MAST3: variants seen among roughly 807,000 people sequenced by gnomAD.
MAST3 encodes microtubule-associated serine/threonine-protein kinase 3.
MAST3 carries 43 observed loss-of-function variants against 127.0 expected under a neutral mutation model. That is an observed-to-expected ratio of 0.34 (90% confidence interval 0.27 to 0.44). The LOEUF is 0.44. Ranked by LOEUF, MAST3 falls within the 20% of genes least tolerant of loss-of-function variation. The pLI is 1.00. For missense variants in MAST3, 1,390 were observed against 1,919.1 expected, an observed-to-expected ratio of 0.72 and a Z score of 5.15; for synonymous variants, 785 against 809.2, an observed-to-expected ratio of 0.97 and a Z score of 0.51.
intron 18 of MAST3, among the ~76,000 whole-genome samples, chr19:18,136,519 G>A (rs1024621079): frequency 6.6e-5 from 10 of 152,138 alleles, no homozygotes; most frequent in African/African-American, 2.4e-4. Context: ...AGGCTCAAGC[G>A]ATCCTCCCAC....
Position 18,145,995 on chromosome 19 carries a change from C to T in MAST3, c.3162+130C>T, listed in dbSNP as rs1262722975. On this transcript the variant is annotated intron_variant, in intron 25 of 27. Transcript: ENST00000687212. The surrounding 1 kb of genome is among the most constrained non-coding windows in gnomAD (Gnocchi z 5.9). ...ATGTCAACTCCAGGCCTGGCACATC[C>T]ACTTCCTTCGGCCCAGAATACATGT... The T allele has an allele frequency of 2.6e-6, 3 of 1,162,174 alleles. No homozygotes were observed. The highest frequency in any genetic ancestry group is 3.5e-6 in the Non-Finnish European group (3 of 859,936). The allele number at this position is 1,162,174 out of a possible 1,614,324, so 72.0% of individuals were successfully genotyped here.
At chr19:18,102,272 C>T (rs903549580) in intron 1 of MAST3, among the ~76,000 whole-genome samples, 17 of 152,022 alleles carry the variant, frequency 1.1e-4, no homozygotes, top group Admixed American at 2.6e-4. Flanking sequence ...CCTCTGCCCC[C>T]GAGTTCAAGC....
intron 18 of MAST3, 63 bp from the exon 19 acceptor site, chr19:18,137,176 T>G: frequency 5.7e-6 from 9 of 1,583,174 alleles, no homozygotes; most frequent in Non-Finnish European, 7.7e-6. Flanking sequence ...GCAGTGGGGG[T>G]AGGGGGGCAT....
At chr19:18,109,773 T>C (rs1009830370) in intron 2 of MAST3, among the ~76,000 whole-genome samples, 4 of 152,018 alleles carry the variant, frequency 2.6e-5, no homozygotes, top group African/African-American at 9.7e-5. Flanking sequence ...GCCTCTAGTG[T>C]GCGCGGGGAT....
chr19:18,103,646 A>G lies in MAST3; in HGVS notation c.40-3941A>G, dbSNP rs1307748887. 2.0e-5 allele frequency among the ~76,000 whole-genome samples: 3 copies of G among 152,234 alleles called. No individual in the cohort carries two copies. The East Asian group carries it at 5.8e-4, about 29-fold the overall frequency. On this transcript the variant is annotated intron_variant, in intron 1 of 27. Transcript: ENST00000687212. The stretch of plus-strand genomic sequence containing the variant: ...TCATTGTCTTGACTCCCATCCATCC[A>G]AGTCTCCCCCAGCACCAGGCTCTGA...
At chr19:18,109,225 C>CGGG (rs1555792904) in intron 2 of MAST3, among the ~76,000 whole-genome samples, 1 of 151,584 alleles carries the variant, frequency 6.6e-6, no homozygotes, top group African/African-American at 2.4e-5. Context: ...GGTGGCAGGA[C>CGGG]AGAAGGAGGA....
intron 5 of MAST3, among the ~76,000 whole-genome samples, 194 bp from the exon 6 acceptor site, chr19:18,122,479 G>GT (rs1016673663): frequency 3.3e-5 from 5 of 150,930 alleles, no homozygotes; most frequent in Admixed American, 2.0e-4. Context: ...CTCACGGGGG[G>GT]GCTTCCTGGA....
chr19:18,103,452 C>T lies in MAST3; in HGVS notation c.40-4135C>T, dbSNP rs972312733. ...ACTTGGGAGGCTGAGGCAGAAGAAT[C>T]GCTTGAACCCAGGAGGTGGAGGTTG... On this transcript the variant is annotated intron_variant, in intron 1 of 27. Coordinates refer to ENST00000687212, the MANE Select transcript of MAST3 (RefSeq NM_001393504.1). Among the ~76,000 whole-genome samples, 4 of 152,224 alleles carry T rather than the reference C, an allele frequency of 2.6e-5. No homozygotes were observed. In the East Asian group the frequency reaches 5.8e-4, roughly 22 times the overall value.
rs2038414468 is a variant in MAST3 at position 18,110,105 on chromosome 19, T to C, written c.72-547T>C. On this transcript the variant is annotated intron_variant, in intron 2 of 27. Transcript: ENST00000687212. The surrounding 1 kb of genome is among the most constrained non-coding windows in gnomAD (Gnocchi z 4.3). ...GCGACCCTCGCTGCCGGGCCGGGCC[T>C]GCGCGCAGGTGCGGAGCTGCGATCC... 2.0e-6 allele frequency: 2 copies of C among 985,142 alleles called. No homozygotes were observed. The highest frequency in any genetic ancestry group is 1.7e-5 in the African/African-American group (1 of 57,194). 61.0% of individuals were successfully genotyped at this position (985,142 alleles called of 1,614,324 possible). A position where few individuals can be genotyped will look rare whatever the true frequency, so the allele number is the denominator to read the frequency against.
Position 18,130,533 on chromosome 19 carries a change from C to G in MAST3, c.1263C>G (p.Arg421=). 1 of 1,610,762 alleles carries G rather than the reference C, an allele frequency of 6.2e-7. No individual in the cohort carries two copies. Among genetic ancestry groups the G allele is most frequent in the Non-Finnish European group, 8.5e-7 (1 of 1,178,394 alleles). The change falls in exon 14 of 28, where the codon CGC becomes CGG. Residue 421 remains arginine, a synonymous_variant. Coordinates refer to ENST00000687212, the MANE Select transcript of MAST3 (RefSeq NM_001393504.1). ...YLVRHRDTRQ[R]FAIKKINKQN... is the part of the protein sequence containing the mutation. ...TGCGGCACCGTGACACACGGCAGCG[C>G]TTTGCCATCAAGAAGATCAACAAAC...
chr19:18,122,172 A>C, intron 5 of MAST3: 1 of 970,034 alleles, frequency 1.0e-6, no homozygotes. Flanking sequence ...GGGGGGATAT[A>C]GCCCTAAGAA....
rs2042860029 is a variant in MAST3 at position 18,144,765 on chromosome 19, G to C, written c.2812+72G>C. 5.9e-6 allele frequency: 9 copies of C among 1,519,184 alleles called. No individual in the cohort carries two copies. The highest frequency in any genetic ancestry group is 7.2e-6 in the Non-Finnish European group (8 of 1,108,764). The allele number at this position is 1,519,184 out of a possible 1,614,324, so 94.1% of individuals were successfully genotyped here. A position where few individuals can be genotyped will look rare whatever the true frequency, so the allele number is the denominator to read the frequency against. On this transcript the variant is annotated intron_variant, in intron 23 of 27. Coordinates refer to ENST00000687212, the MANE Select transcript of MAST3 (RefSeq NM_001393504.1). The surrounding 1 kb of genome is among the most constrained non-coding windows in gnomAD (Gnocchi z 4.0). ...CACCAACAGGGTGGGGGCCCTTCCT[G>C]AGTTGGGGAGGCTGGGGATGAGCCC...
intron 1 of MAST3, among the ~76,000 whole-genome samples, chr19:18,107,135 A>T (rs138504078): frequency 1.2e-3 from 179 of 151,832 alleles, no homozygotes; most frequent in African/African-American, 4.2e-3. Flanking sequence ...TAATTTTTTT[A>T]AAAAGTTTTG....
intron 19 of MAST3, 24 bp downstream of exon 19, chr19:18,137,385 G>C (rs764328032): frequency 1.2e-6 from 2 of 1,606,338 alleles, no homozygotes; most frequent in Non-Finnish European, 1.7e-6. Context: ...CCCCTGGAGG[G>C]GGGGCGGGGG....
At chr19:18,097,879 G>A in intron 1 of MAST3, 48 bp downstream of exon 1, 5 of 1,221,434 alleles carry the variant, frequency 4.1e-6, no homozygotes, top group Non-Finnish European at 5.1e-6. Flanking sequence ...GCGGCCAAGT[G>A]GACGCGGCCT....
At chr19:18,120,083 G>A (rs949722318) in intron 3 of MAST3, among the ~76,000 whole-genome samples, 7 of 152,234 alleles carry the variant, frequency 4.6e-5, no homozygotes, top group Admixed American at 1.3e-4. Flanking sequence ...GGTGGGAGAA[G>A]AAGCCAGGCA....
Position 18,144,930 on chromosome 19 carries a change from T to C in MAST3, c.2813-73T>C. 2 of 923,024 alleles carry C rather than the reference T, an allele frequency of 2.2e-6. No homozygotes were observed. The highest frequency in any genetic ancestry group is 3.4e-6 in the Non-Finnish European group (2 of 584,624). The allele number at this position is 923,024 out of a possible 1,614,324, so 57.2% of individuals were successfully genotyped here. On this transcript the variant is annotated intron_variant, in intron 23 of 27. Transcript: ENST00000687212. The surrounding 1 kb of genome is among the most constrained non-coding windows in gnomAD (Gnocchi z 4.0). ...AACAGCAAAGTGGCCAGGGTGGTCG[T>C]TGTGGTGGGAAAGAGGGGGCCCCAG...
At chr19:18,121,829 G>A in intron 4 of MAST3, 24 bp from the exon 5 acceptor site, 4 of 1,613,930 alleles carry the variant, frequency 2.5e-6, no homozygotes. Context: ...CGCTGACTCA[G>A]TTTCCCCGCC....
chr19:18,097,854 C>CGGAA (rs770779182), intron 1 of MAST3, 23 bp downstream of exon 1: 71 of 1,222,700 alleles, frequency 5.8e-5, no homozygotes, highest in Admixed American at 4.3e-4. Context: ...CGCGGGCGGG[C>CGGAA]GGAAGGCAGA....
Sources: gnomAD v4.1 joint callset for allele counts (sites outside exome capture counted in the v4.1 genomes callset) on GRCh38, gnomAD v4.1.1 for gene constraint, Gnocchi (gnomAD v3.1) non-coding constraint, MANE v1.5 for transcripts, NCBI Gene and HGNC (gene_info 2026-07-23, HGNC 2026-07-21) for gene names.